PNPLA8: variants seen among roughly 807,000 people sequenced by gnomAD.
PNPLA8 encodes the protein patatin like domain 8, phospholipase A2, also known as calcium-independent phospholipase A2-gamma.
Under a neutral mutation model 76.9 loss-of-function variants are expected in PNPLA8, and 39 were observed. The observed-to-expected ratio is 0.51, with a 90% confidence interval of 0.39 to 0.66. PNPLA8 has a LOEUF of 0.66. Among genes scored for constraint, PNPLA8 ranks in the 30% least tolerant of loss-of-function variants. The pLI is 0.00. For missense variants in PNPLA8, 887 were observed against 918.0 expected (o/e 0.97, Z 0.44); for synonymous variants, 301 against 307.9 (o/e 0.98, Z 0.24).
rs1399090248 is a variant in PNPLA8 at position 108,470,827 on chromosome 7, T to C, written c.*1574A>G. 6.6e-6 allele frequency: 1 copy of C among 152,188 alleles called. No homozygotes were observed. The highest frequency in any genetic ancestry group is 1.5e-5 in the Non-Finnish European group (1 of 68,042). 9.4% of individuals were successfully genotyped at this position (152,188 alleles called of 1,614,324 possible). On this transcript the variant is annotated 3_prime_UTR_variant, in exon 11 of 11. Transcript: ENST00000257694. Reference sequence around the variant, plus strand: ...CTTTCCTCATTTTACAAATGAGATATGCAAAGCCTACAGACATTTGCCTTC... The same window carrying C: ...CTTTCCTCATTTTACAAATGAGATACGCAAAGCCTACAGACATTTGCCTTC...
Position 108,514,572 on chromosome 7 carries a change from C to A in PNPLA8, c.920G>T (p.Gly307Val). 1 of 1,614,052 alleles carries A rather than the reference C, an allele frequency of 6.2e-7. No individual in the cohort carries two copies. The highest frequency in any genetic ancestry group is 8.5e-7 in the Non-Finnish European group (1 of 1,179,960). ...GVQALVGGYIGGLVPKLKYDS... is the reference protein window; with the variant it reads ...GVQALVGGYIVGLVPKLKYDS... ...ATACTTTAATTTGGGGACAAGTCCA[C>A]CAATATAACCACCTACTAAAGCTTG... The change falls in exon 3 of 11, where the codon GGT becomes GTT. Residue 307 changes from glycine (G) to valine (V), a missense_variant. By Grantham distance (109) the Gly-to-Val change is moderately radical. Coordinates refer to ENST00000257694, the MANE Select transcript of PNPLA8 (RefSeq NM_001256007.3).
Position 108,515,615 on chromosome 7 carries a change from T to C in PNPLA8, c.-83-41A>G, listed in dbSNP as rs1041362912. 4.6e-5 allele frequency: 55 copies of C among 1,200,308 alleles called. No homozygotes were observed. The African/African-American group carries it at 8.0e-4, about 18-fold the overall frequency. 74.4% of individuals were successfully genotyped at this position (1,200,308 alleles called of 1,614,324 possible). On this transcript the variant is annotated intron_variant, in intron 2 of 10. Coordinates refer to ENST00000257694, the MANE Select transcript of PNPLA8 (RefSeq NM_001256007.3). ...AAAAAATTAGAATTCAAGTTAAAAA[T>C]TGAAATTGGGTATAACAGAAAACAC... is the stretch of plus-strand genomic sequence containing the variant.
intron 5 of PNPLA8, among the ~76,000 whole-genome samples, chr7:108,499,255 G>GT (rs993157077): frequency 1.6e-4 from 25 of 152,156 alleles, no homozygotes; most frequent in East Asian, 9.7e-4. Flanking sequence ...TGGTTTTGGG[G>GT]TTTTTTTCTC....
chr7:108,474,778 C>T (rs1019550454), intron 10 of PNPLA8, among the ~76,000 whole-genome samples: 4 of 152,162 alleles, frequency 2.6e-5, no homozygotes, highest in Non-Finnish European at 5.9e-5. Context: ...TATTACATAC[C>T]ATTGATTTAT....
chr7:108,524,069 AT>A (rs1330251703), intron 1 of PNPLA8, among the ~76,000 whole-genome samples: 2 of 152,232 alleles, frequency 1.3e-5, no homozygotes, highest in African/African-American at 4.8e-5. Context: ...ACAGTGGGAC[AT>A]TCAAATGGAA....
chr7:108,522,494 C>G lies in PNPLA8; in HGVS notation c.-129-973G>C, dbSNP rs184930366. On this transcript the variant is annotated intron_variant, in intron 1 of 10. Coordinates refer to ENST00000257694, the MANE Select transcript of PNPLA8 (RefSeq NM_001256007.3). ...TTTTGTATGACCTGGAGGCCCCGTC[C>G]CCTTTGAGTTGTCCTGCCCTTCCAA... 1.2e-3 allele frequency among the ~76,000 whole-genome samples: 183 copies of G among 152,138 alleles called. 1 individual carries two copies. Among genetic ancestry groups the G allele is most frequent in the African/African-American group, 4.3e-3 (177 of 41,506 alleles).
chr7:108,515,266 T>G lies in PNPLA8; in HGVS notation c.226A>C (p.Asn76His). ...AAAATCCCAATATGTAAACCATGGT[T>G]GCTTGGAGAGTAACAGTGCTTACTG... is the stretch of plus-strand genomic sequence containing the variant. ...SCSKHCYSPS[N>H]HGLHIGILKL... is the part of the protein sequence containing the mutation. Residue 76 changes from asparagine (N) to histidine (H), a missense_variant, in exon 3 of 11, where the codon AAC becomes CAC. Physicochemically the swap from Asn to His is moderately conservative, Grantham distance 68. Coordinates refer to ENST00000257694, the MANE Select transcript of PNPLA8 (RefSeq NM_001256007.3). 1 of 1,605,240 alleles carries G rather than the reference T, an allele frequency of 6.2e-7. No homozygotes were observed. Among genetic ancestry groups the G allele is most frequent in the Non-Finnish European group, 8.5e-7 (1 of 1,175,362 alleles).
chr7:108,507,910 C>T (rs1434751527), intron 4 of PNPLA8, among the ~76,000 whole-genome samples: 2 of 138,166 alleles, frequency 1.4e-5, no homozygotes, highest in Non-Finnish European at 3.1e-5. Flanking sequence ...ATAAACAGAG[C>T]CAAAGACAAA....
At chr7:108,482,044 C>T (rs1401661788) in intron 9 of PNPLA8, among the ~76,000 whole-genome samples, 1 of 152,152 alleles carries the variant, frequency 6.6e-6, no homozygotes, top group Non-Finnish European at 1.5e-5. Flanking sequence ...TTTCTGAACT[C>T]TCTATTTAAT....
intron 7 of PNPLA8, among the ~76,000 whole-genome samples, chr7:108,492,739 A>G (rs749514754): frequency 1.3e-5 from 2 of 152,236 alleles, no homozygotes; most frequent in Non-Finnish European, 2.9e-5. Flanking sequence ...AATGGGCGAA[A>G]AAATGCTACG....
chr7:108,521,343 G>A (rs1863725323), intron 2 of PNPLA8, 133 bp downstream of exon 2: 1 of 153,694 alleles, frequency 6.5e-6, no homozygotes, highest in African/African-American at 2.4e-5. Flanking sequence ...GAAAATACAG[G>A]ACTGGGAAAA....
chr7:108,519,015 A>G (rs899284676), intron 2 of PNPLA8, among the ~76,000 whole-genome samples: 6 of 151,736 alleles, frequency 4.0e-5, no homozygotes, highest in African/African-American at 1.5e-4. Context: ...AAGGACTGTA[A>G]CAGAAGGTAC....
intron 10 of PNPLA8, among the ~76,000 whole-genome samples, chr7:108,478,298 T>TG (rs1860141301): frequency 1.3e-5 from 2 of 152,130 alleles, no homozygotes; most frequent in African/African-American, 4.8e-5. Flanking sequence ...GCAAGTTTGG[T>TG]GACCACCAAG....
intron 1 of PNPLA8, among the ~76,000 whole-genome samples, chr7:108,525,803 G>A (rs1418593686): frequency 6.6e-6 from 1 of 152,298 alleles, no homozygotes; most frequent in East Asian, 1.9e-4. Context: ...TTGCGCTTCT[G>A]GGGCAGCAAA....
chr7:108,506,730 T>A (rs999876521), intron 4 of PNPLA8, among the ~76,000 whole-genome samples: 33 of 151,468 alleles, frequency 2.2e-4, no homozygotes, highest in African/African-American at 8.0e-4. Context: ...ACCAGACATA[T>A]AAGAACACAT....
chr7:108,506,843 C>T (rs1270989215), intron 4 of PNPLA8, among the ~76,000 whole-genome samples: 2 of 152,040 alleles, frequency 1.3e-5, no homozygotes, highest in Non-Finnish European at 2.9e-5. Context: ...TTGGAGTGTT[C>T]ATAAGATTGT....
intron 2 of PNPLA8, among the ~76,000 whole-genome samples, chr7:108,517,152 G>A (rs970642036): frequency 1.3e-5 from 2 of 152,136 alleles, no homozygotes; most frequent in Non-Finnish European, 2.9e-5. Flanking sequence ...AAACATATAA[G>A]AAGTTGTACC....
chr7:108,494,571 A>G (rs1861423303), intron 7 of PNPLA8, among the ~76,000 whole-genome samples: 1 of 152,176 alleles, frequency 6.6e-6, no homozygotes, highest in Non-Finnish European at 1.5e-5. Flanking sequence ...GTATTCCACA[A>G]TGCATATGTG....
chr7:108,509,082 A>G (rs899604184), intron 4 of PNPLA8, among the ~76,000 whole-genome samples: 5 of 114,656 alleles, frequency 4.4e-5, no homozygotes, highest in African/African-American at 1.1e-4. Context: ...CCTAGAAGAA[A>G]ACCTAGGCAT....
Sources: allele counts gnomAD v4.1 joint callset (sites outside exome capture counted in the v4.1 genomes callset), GRCh38; gene constraint gnomAD v4.1.1; transcripts MANE v1.5; gene names NCBI Gene and HGNC (gene_info 2026-07-23, HGNC 2026-07-21).